The following LRRC4C variants were observed in gnomAD, a reference collection of about 807,000 sequenced individuals.
LRRC4C encodes leucine-rich repeat-containing protein 4C.
LRRC4C carries 5 observed loss-of-function variants against 33.6 expected under a neutral mutation model. That is an observed-to-expected ratio of 0.15 (90% CI 0.08 to 0.31). The LOEUF (loss-of-function observed/expected upper bound fraction) is 0.31, where lower values mean the gene tolerates loss of function less well. Among genes scored for constraint, LRRC4C ranks in the 10% least tolerant of loss-of-function variants. LRRC4C has a pLI of 1.00. For missense variants in LRRC4C, 560 were observed against 796.7 expected (o/e 0.70, Z 3.58); for synonymous variants, 329 against 302.0 (o/e 1.09, Z -0.93).
At chr11:40,561,990 A>G (rs1189411100) in intron 3 of LRRC4C, among the ~76,000 whole-genome samples, 1 of 152,226 alleles carries the variant, frequency 6.6e-6, no homozygotes, top group East Asian at 1.9e-4. Context: ...GTTATTAGAT[A>G]TTATATTGAA....
chr11:40,561,815 G>T (rs1284031953), intron 3 of LRRC4C, among the ~76,000 whole-genome samples: 1 of 152,088 alleles, frequency 6.6e-6, no homozygotes, highest in Non-Finnish European at 1.5e-5. Context: ...ACAAATTATT[G>T]ATTGAAACTA....
At position 40,729,151 on chromosome 11, in the gene LRRC4C, A is replaced by G. The variant is rs144525768; in HGVS notation, c.-406-80873T>C. Among the ~76,000 whole-genome samples the G allele has an allele frequency of 5.5e-3, 831 of 152,350 alleles. 6 individuals carry two copies. The highest frequency in any genetic ancestry group is 0.01 in the Middle Eastern group (3 of 294). ...CTAAAATAAAAATTGAAATAAAAAT[A>G]TAATAAATAAATTATTGTAAAAATG... On this transcript the variant is annotated intron_variant, in intron 2 of 6. Transcript: ENST00000528697.
At chr11:41,360,512 T>C (rs1373350732) in intron 1 of LRRC4C, among the ~76,000 whole-genome samples, 1 of 151,972 alleles carries the variant, frequency 6.6e-6, no homozygotes, top group Non-Finnish European at 1.5e-5. Flanking sequence ...TGAGCTACAA[T>C]GGAATAGCAT....
At chr11:40,590,999 G>A (rs989487968) in intron 3 of LRRC4C, among the ~76,000 whole-genome samples, 1 of 152,150 alleles carries the variant, frequency 6.6e-6, no homozygotes, top group African/African-American at 2.4e-5. Flanking sequence ...GCTGTGGTGG[G>A]CTCCACCCAG....
chr11:41,222,335 C>T (rs1947344385), intron 1 of LRRC4C, among the ~76,000 whole-genome samples: 1 of 152,174 alleles, frequency 6.6e-6, no homozygotes, highest in African/African-American at 2.4e-5. Flanking sequence ...AGCAGGCTGA[C>T]TTTCCATACA....
intron 3 of LRRC4C, among the ~76,000 whole-genome samples, chr11:40,409,910 C>T (rs1346018539): frequency 6.6e-6 from 1 of 151,946 alleles, no homozygotes; most frequent in Non-Finnish European, 1.5e-5. Flanking sequence ...TTGATTTAGC[C>T]ATTTTACAGT....
intron 1 of LRRC4C, among the ~76,000 whole-genome samples, chr11:41,055,658 T>A (rs899927223): frequency 6.6e-6 from 1 of 152,160 alleles, no homozygotes; most frequent in Non-Finnish European, 1.5e-5. Flanking sequence ...TATCAAACAC[T>A]TACAAAATTA....
chr11:41,063,764 T>C (rs186362177), intron 1 of LRRC4C, among the ~76,000 whole-genome samples: 1 of 152,318 alleles, frequency 6.6e-6, no homozygotes. Context: ...TTACAAAAAA[T>C]GTTATTAATG....
chr11:40,504,161 A>AT (rs150063199), intron 3 of LRRC4C, among the ~76,000 whole-genome samples: 2,487 of 149,384 alleles, frequency 0.017, 39 homozygotes, highest in Admixed American at 0.038. Flanking sequence ...CATTGCTCCC[A>AT]TTTTTTTTTT....
chr11:40,667,880 C>G (rs764803486), intron 2 of LRRC4C, among the ~76,000 whole-genome samples: 1 of 152,216 alleles, frequency 6.6e-6, no homozygotes, highest in Non-Finnish European at 1.5e-5. Flanking sequence ...GACTCTGAAT[C>G]CACAGGACTA....
At chr11:40,256,469 A>G (rs538658613) in intron 4 of LRRC4C, among the ~76,000 whole-genome samples, 1 of 152,236 alleles carries the variant, frequency 6.6e-6, no homozygotes, top group South Asian at 2.1e-4. Flanking sequence ...GCTCAAATCT[A>G]GGACTCTGGC....
intron 4 of LRRC4C, among the ~76,000 whole-genome samples, chr11:40,257,470 C>G (rs754396603): frequency 1.3e-5 from 2 of 151,964 alleles, no homozygotes; most frequent in East Asian, 1.9e-4. Flanking sequence ...CCAAGTAAAC[C>G]GGAGTTTCAT....
At chr11:40,500,283 TATATATATATACACACACAC>T (rs1565450031) in intron 3 of LRRC4C, among the ~76,000 whole-genome samples, 1 of 66,252 alleles carries the variant, frequency 1.5e-5, no homozygotes, top group Non-Finnish European at 2.9e-5. Context: ...TATATATATA[TATATATATATACACACACAC>T]ACACACACAC....
intron 2 of LRRC4C, among the ~76,000 whole-genome samples, chr11:40,689,348 CTT>C (rs146818110): frequency 0.017 from 2,567 of 152,060 alleles, 67 homozygotes; most frequent in African/African-American, 0.058. Context: ...CCTCTTTCCT[CTT>C]TGTCTTCTTC....
intron 1 of LRRC4C, among the ~76,000 whole-genome samples, chr11:41,326,243 G>T (rs1951114434): frequency 6.6e-6 from 1 of 152,114 alleles, no homozygotes; most frequent in South Asian, 2.1e-4. Flanking sequence ...GATACTTCGT[G>T]CCCTTGAACA....
chr11:40,967,081 C>T (rs748488747), intron 1 of LRRC4C, among the ~76,000 whole-genome samples: 3 of 151,852 alleles, frequency 2.0e-5, no homozygotes, highest in Non-Finnish European at 4.4e-5. Flanking sequence ...ATTTATCATT[C>T]ACTTTATCAC....
chr11:40,674,165 T>TA (rs150532172), intron 2 of LRRC4C, among the ~76,000 whole-genome samples: 1 of 152,326 alleles, frequency 6.6e-6, no homozygotes, highest in East Asian at 1.9e-4. Flanking sequence ...AGAATATCTA[T>TA]AAAATTGGCT....
At chr11:41,448,303 G>GTTTTTT (rs1564958704) in intron 1 of LRRC4C, among the ~76,000 whole-genome samples, 1 of 131,402 alleles carries the variant, frequency 7.6e-6, no homozygotes, top group African/African-American at 2.8e-5. Context: ...TTTACATAGA[G>GTTTTTT]CTTTTTTTTT....
At chr11:40,674,026 G>A (rs1944264603) in intron 2 of LRRC4C, among the ~76,000 whole-genome samples, 1 of 152,212 alleles carries the variant, frequency 6.6e-6, no homozygotes, top group South Asian at 2.1e-4. Flanking sequence ...CTGCCATAAG[G>A]CATTACCCCA....
Sources: gnomAD v4.1 joint callset for allele counts (sites outside exome capture counted in the v4.1 genomes callset) on GRCh38, gnomAD v4.1.1 for gene constraint, MANE v1.5 for transcripts, NCBI Gene and HGNC (gene_info 2026-07-23, HGNC 2026-07-21) for gene names.